TTLL13: variants seen among roughly 807,000 people sequenced by gnomAD.
TTLL13 encodes the protein tubulin polyglutamylase TTLL13.
the TTLL13 span, chr15:90,250,846 C>A: frequency 6.2e-7 from 1 of 1,614,108 alleles, no homozygotes; most frequent in Admixed American, 1.7e-5. Flanking sequence ...TTGACACAGG[C>A]GACTTAGAAG....
chr15:90,264,938 G>A, the TTLL13 span: 4 of 1,536,074 alleles, frequency 2.6e-6, no homozygotes, highest in South Asian at 3.6e-5. Context: ...GCGTTCCAGA[G>A]CACTCCTCAA....
chr15:90,257,363 C>T, the TTLL13 span: 1 of 1,510,214 alleles, frequency 6.6e-7, no homozygotes, highest in Non-Finnish European at 8.9e-7. Context: ...AGAGGTTTGT[C>T]ACTGTCACCA....
At chr15:90,261,715 G>A in the TTLL13 span, among the ~76,000 whole-genome samples, 1 of 152,194 alleles carries the variant, frequency 6.6e-6, no homozygotes, top group Non-Finnish European at 1.5e-5. Context: ...GGGAGGCAGA[G>A]GTTACAGTGA....
At chr15:90,252,101 G>A in the TTLL13 span, among the ~76,000 whole-genome samples, 3 of 148,162 alleles carry the variant, frequency 2.0e-5, no homozygotes, top group South Asian at 2.2e-4. Flanking sequence ...ATGCAATGGC[G>A]TGATCTCGAC....
chr15:90,257,133 C>T, the TTLL13 span: 5 of 1,612,344 alleles, frequency 3.1e-6, no homozygotes, highest in African/African-American at 1.3e-5. Context: ...TTTGCATGCT[C>T]CCAGCCCCTC....
At chr15:90,259,939 C>T in the TTLL13 span, among the ~76,000 whole-genome samples, 9 of 152,324 alleles carry the variant, frequency 5.9e-5, no homozygotes, top group African/African-American at 2.2e-4. Flanking sequence ...TCACATTGCT[C>T]TTCCCACTTA....
At chr15:90,262,914 G>T in the TTLL13 span, 1 of 1,511,680 alleles carries the variant, frequency 6.6e-7, no homozygotes, top group Non-Finnish European at 8.8e-7. Flanking sequence ...CTGGGTGATG[G>T]TTTGGGACTT....
At chr15:90,258,971 G>A in the TTLL13 span, 1 of 1,613,436 alleles carries the variant, frequency 6.2e-7, no homozygotes, top group Non-Finnish European at 8.5e-7. Context: ...CATTATTCCT[G>A]AGAGTAAAAG....
the TTLL13 span, chr15:90,257,929 C>T: frequency 9.2e-4 from 1,018 of 1,107,056 alleles, 3 homozygotes; most frequent in Middle Eastern, 3.8e-3. Flanking sequence ...CTGCTAGCAG[C>T]CCTTCAAAGC....
chr15:90,265,446 T>G, the TTLL13 span: 1 of 1,326,766 alleles, frequency 7.5e-7, no homozygotes, highest in Non-Finnish European at 9.6e-7. Flanking sequence ...GGAAACGGAA[T>G]CCGTACTTTA....
the TTLL13 span, chr15:90,251,675 C>T: frequency 9.9e-6 from 15 of 1,517,076 alleles, no homozygotes; most frequent in African/African-American, 4.1e-5. Flanking sequence ...AATGGACCCC[C>T]GATCAGGCTT....
the TTLL13 span, among the ~76,000 whole-genome samples, chr15:90,260,850 C>CAAA: frequency 0.041 from 2,453 of 60,186 alleles, 95 homozygotes; most frequent in African/African-American, 0.12. Flanking sequence ...GACTCTGTCT[C>CAAA]AAAAAAAAAA....
the TTLL13 span, chr15:90,253,436 C>A: frequency 1.7e-6 from 2 of 1,167,354 alleles, no homozygotes; most frequent in Non-Finnish European, 2.4e-6. Flanking sequence ...ACCTCCTTGC[C>A]CAGGCACCCA....
At chr15:90,251,280 A>ATTTTTTTTTTT in the TTLL13 span, among the ~76,000 whole-genome samples, 24 of 109,510 alleles carry the variant, frequency 2.2e-4, no homozygotes, top group South Asian at 3.4e-4. Context: ...CGCATGGCAA[A>ATTTTTTTTTTT]TTTTTTTTTT....
At chr15:90,252,714 C>A in the TTLL13 span, among the ~76,000 whole-genome samples, 4 of 152,082 alleles carry the variant, frequency 2.6e-5, no homozygotes, top group Non-Finnish European at 1.5e-5. Context: ...ATAAGACTGA[C>A]AGGAGCAGCT....
the TTLL13 span, chr15:90,264,786 T>C: frequency 6.5e-7 from 1 of 1,536,150 alleles, no homozygotes; most frequent in South Asian, 1.2e-5. Context: ...CCACCCACTT[T>C]AACCCCAAAG....
chr15:90,258,975 G>A, the TTLL13 span: 2 of 1,613,178 alleles, frequency 1.2e-6, no homozygotes, highest in East Asian at 4.5e-5. Context: ...ATTCCTGAGA[G>A]TAAAAGTCCT....
At chr15:90,264,047 G>A in the TTLL13 span, 16 of 1,534,342 alleles carry the variant, frequency 1.0e-5, no homozygotes, top group Non-Finnish European at 1.4e-5. Flanking sequence ...GCCAGAATCA[G>A]GCTCACTAGC....
At chr15:90,258,015 C>G in the TTLL13 span, 5 of 1,609,866 alleles carry the variant, frequency 3.1e-6, no homozygotes, top group South Asian at 1.1e-5. Context: ...AACTGGCCTT[C>G]CTCTGAGCAC....
Sources: gnomAD v4.1 joint callset for allele counts (sites outside exome capture counted in the v4.1 genomes callset) on GRCh38, gnomAD v4.1.1 for gene constraint, MANE v1.5 for transcripts, NCBI Gene and HGNC (gene_info 2026-07-23, HGNC 2026-07-21) for gene names.